Variants in ODAD2 observed in about 807,000 individuals in gnomAD.
The protein encoded by ODAD2 is outer dynein arm-docking complex subunit 2.
Under a neutral mutation model 106.8 loss-of-function variants are expected in ODAD2, and 89 were observed. That is an observed-to-expected ratio of 0.83 (90% CI 0.70 to 0.99). The LOEUF is 0.99. ODAD2 is among the 50% of genes least tolerant of loss of function. ODAD2 has a pLI of 0.00. For synonymous variants in ODAD2, 404 were observed against 436.2 expected (o/e 0.93, Z 0.92); for missense variants, 1,168 against 1,238.5 (o/e 0.94, Z 0.85).
rs115203077 is a variant in ODAD2 at position 27,914,316 on chromosome 10, C to T, written c.2496-6539G>A. 9.5e-3 allele frequency among the ~76,000 whole-genome samples: 1,452 copies of T among 152,078 alleles called. 20 individuals are homozygous for T. Among genetic ancestry groups the T allele is most frequent in the African/African-American group, 0.033 (1,376 of 41,488 alleles). ...ACCAGACCTTTCCATTTTAAAGATG[C>T]CATTTTTTCTTTTCATTGTATAACA... On this transcript the variant is annotated intron_variant, in intron 16 of 19. Transcript: ENST00000305242.
chr10:27,971,407 T>C, intron 7 of ODAD2, 94 bp from the exon 8 acceptor site: 1 of 1,082,070 alleles, frequency 9.2e-7, no homozygotes, highest in East Asian at 2.6e-5. Flanking sequence ...GGAAAGGAAG[T>C]CTCGGATGCA....
At chr10:27,958,322 AG>A (rs1209865814) in intron 10 of ODAD2, among the ~76,000 whole-genome samples, 1 of 152,226 alleles carries the variant, frequency 6.6e-6, no homozygotes, top group African/African-American at 2.4e-5. Context: ...TATCCTAAAT[AG>A]TTGAAAAAAC....
chr10:27,944,919 C>T lies in ODAD2; in HGVS notation c.1430G>A (p.Arg477Lys). The T allele has an allele frequency of 6.2e-7, 1 of 1,614,144 alleles. No homozygotes were observed. The highest frequency in any genetic ancestry group is 2.2e-5 in the East Asian group (1 of 44,868). ...TATVIALCSMRDFSLAQETCQ... is the reference protein window; with the variant it reads ...TATVIALCSMKDFSLAQETCQ... ...GGTTTCTTGAGCTAAGCTGAAATCC[C>T]TCATTGAACACAACGCAATCACTGT... The change falls in exon 11 of 20, where the codon AGG becomes AAG. Residue 477 changes from arginine (R) to lysine (K), a missense_variant. Around this residue, in one of 3 missense-constraint regions of ODAD2, gnomAD observed 701 missense variants for 712.3 expected, o/e 0.98. Transcript: ENST00000305242.
At chr10:27,878,655 T>C (rs1434180086) in intron 17 of ODAD2, among the ~76,000 whole-genome samples, 1 of 152,174 alleles carries the variant, frequency 6.6e-6, no homozygotes. Flanking sequence ...CTTTTTTTAA[T>C]CCTACACTAA....
intron 19 of ODAD2, among the ~76,000 whole-genome samples, chr10:27,828,492 C>T (rs1351240622): frequency 3.9e-5 from 6 of 152,148 alleles, no homozygotes; most frequent in South Asian, 2.1e-4. Flanking sequence ...CTGAAGGTAA[C>T]TACAGGTAAG....
rs1018562297 is a variant in ODAD2, at chr10:27,877,894, G to T, written c.2611-15272C>A. On this transcript the variant is annotated intron_variant, in intron 17 of 19. Coordinates refer to ENST00000305242, the MANE Select transcript of ODAD2 (RefSeq NM_018076.5). ...TGATCTTCACAACGTTGTCTTAAGGGGGCATGAAATTTTTGTTCTATAGAC... is the reference window on the plus strand; with the variant it reads ...TGATCTTCACAACGTTGTCTTAAGGTGGCATGAAATTTTTGTTCTATAGAC... Among the ~76,000 whole-genome samples, 4 of 152,174 alleles carry T rather than the reference G, an allele frequency of 2.6e-5. No individual in the cohort carries two copies. The East Asian group carries it at 5.8e-4, about 22-fold the overall frequency.
intron 2 of ODAD2, among the ~76,000 whole-genome samples, chr10:27,989,849 A>AAAAAAT (rs1427712378): frequency 6.6e-6 from 1 of 152,188 alleles, no homozygotes; most frequent in East Asian, 1.9e-4. Flanking sequence ...ACCCCCTCTC[A>AAAAAAT]AAAAATAAAA....
At chr10:27,994,792 T>C (rs1007145234) in intron 2 of ODAD2, 127 bp downstream of exon 2, 2 of 982,746 alleles carry the variant, frequency 2.0e-6, no homozygotes, top group Non-Finnish European at 3.0e-6. Flanking sequence ...TCTCTGGTTT[T>C]CATTCCCTGG....
In ODAD2 at chr10:27,936,996, C is replaced by T. The variant is rs541392139; in HGVS notation, c.2098-116G>A. 86 of 925,522 alleles carry T rather than the reference C, an allele frequency of 9.3e-5. No individual in the cohort carries two copies. The African/African-American group carries it at 9.5e-4, about 10-fold the overall frequency. The allele number at this position is 925,522 out of a possible 1,614,324, so 57.3% of individuals were successfully genotyped here. On this transcript the variant is annotated intron_variant, in intron 14 of 19. Coordinates refer to ENST00000305242, the MANE Select transcript of ODAD2 (RefSeq NM_018076.5). ...AACTTCTTTCTAGAGAGATCATTTTCGAAAGATGCCTCCAAGTAAAATATA... is the reference window on the plus strand; with the variant it reads ...AACTTCTTTCTAGAGAGATCATTTTTGAAAGATGCCTCCAAGTAAAATATA...
chr10:27,993,502 T>C (rs1280502846), intron 2 of ODAD2, among the ~76,000 whole-genome samples: 1 of 151,724 alleles, frequency 6.6e-6, no homozygotes, highest in Non-Finnish European at 1.5e-5. Context: ...TACAAAAAAT[T>C]AGCCAGGCGT....
At chr10:27,858,809 T>TTC (rs1292401747) in intron 19 of ODAD2, among the ~76,000 whole-genome samples, 4 of 149,724 alleles carry the variant, frequency 2.7e-5, no homozygotes, top group Admixed American at 2.0e-4. Context: ...GTACATTTTT[T>TTC]TTTTTTTTTT....
intron 17 of ODAD2, among the ~76,000 whole-genome samples, chr10:27,881,113 G>A (rs1183114174): frequency 6.6e-6 from 1 of 152,020 alleles, no homozygotes; most frequent in Non-Finnish European, 1.5e-5. Flanking sequence ...TACTCTTCAG[G>A]ATTGTTAAAA....
intron 19 of ODAD2, among the ~76,000 whole-genome samples, chr10:27,850,544 G>A (rs1216538178): frequency 1.3e-5 from 2 of 151,216 alleles, no homozygotes; most frequent in Non-Finnish European, 2.9e-5. Context: ...GTGACAGAGC[G>A]AGACTCTGTC....
At chr10:27,920,373 C>T (rs1363790671) in intron 16 of ODAD2, among the ~76,000 whole-genome samples, 1 of 152,100 alleles carries the variant, frequency 6.6e-6, no homozygotes, top group South Asian at 2.1e-4. Context: ...TACTGAGAAG[C>T]CCACTCACAG....
chr10:27,963,301 C>T (rs1366831387), intron 9 of ODAD2, among the ~76,000 whole-genome samples: 1 of 152,176 alleles, frequency 6.6e-6, no homozygotes, highest in African/African-American at 2.4e-5. Context: ...GCCACTGCAC[C>T]CGGCCTGTCC....
chr10:27,913,430 G>A (rs1844146405), intron 16 of ODAD2, among the ~76,000 whole-genome samples: 3 of 152,002 alleles, frequency 2.0e-5, no homozygotes, highest in African/African-American at 4.8e-5. Context: ...ATGTTCTCCA[G>A]CTCTATGCAT....
chr10:27,893,492 A>G (rs1842688019), intron 17 of ODAD2, among the ~76,000 whole-genome samples: 1 of 152,180 alleles, frequency 6.6e-6, no homozygotes, highest in African/African-American at 2.4e-5. Context: ...TGTGGCTCTC[A>G]GCTATAATTA....
chr10:27,941,603 T>G (rs902818360), intron 12 of ODAD2, among the ~76,000 whole-genome samples: 2 of 149,786 alleles, frequency 1.3e-5, no homozygotes, highest in African/African-American at 4.9e-5. Flanking sequence ...CCAGTTTTTT[T>G]TTTTTTTTTT....
intron 17 of ODAD2, among the ~76,000 whole-genome samples, chr10:27,897,276 C>A (rs1211589680): frequency 6.6e-6 from 1 of 152,074 alleles, no homozygotes; most frequent in Non-Finnish European, 1.5e-5. Context: ...GGCTAATGAG[C>A]CCTACTCATA....
Sources: gnomAD v4.1 joint callset for allele counts (sites outside exome capture counted in the v4.1 genomes callset) on GRCh38, gnomAD v4.1.1 for gene constraint, gnomAD v4.1.1 regional missense constraint, MANE v1.5 for transcripts, NCBI Gene and HGNC (gene_info 2026-07-23, HGNC 2026-07-21) for gene names.